Variants in CHST11 observed in about 807,000 individuals in gnomAD.
The protein encoded by CHST11 is C4S-1.
CHST11 carries 9 observed loss-of-function variants against 30.4 expected under a neutral mutation model. That is an observed-to-expected ratio of 0.30 (90% CI 0.18 to 0.52). The LOEUF (loss-of-function observed/expected upper bound fraction) is 0.52, where lower values mean the gene tolerates loss of function less well. Ranked by LOEUF, CHST11 falls within the 20% of genes least tolerant of loss-of-function variation. The pLI, the probability that CHST11 is intolerant of heterozygous loss-of-function variation, is 0.97. For missense variants in CHST11, 348 were observed against 460.6 expected (o/e 0.76, Z 2.24); for synonymous variants, 152 against 187.8 (o/e 0.81, Z 1.56).
intron 1 of CHST11, among the ~76,000 whole-genome samples, chr12:104,519,223 A>G (rs749104854): frequency 2.6e-5 from 4 of 152,072 alleles, no homozygotes; most frequent in Non-Finnish European, 5.9e-5. Flanking sequence ...TTTGATTAGG[A>G]TTTTTGTGCT....
intron 1 of CHST11, among the ~76,000 whole-genome samples, chr12:104,594,723 A>C (rs2038891579): frequency 6.6e-6 from 1 of 152,204 alleles, no homozygotes; most frequent in Non-Finnish European, 1.5e-5. Context: ...CTGGGAGACC[A>C]AGGTGGGAGG....
intron 2 of CHST11, among the ~76,000 whole-genome samples, chr12:104,710,823 A>G (rs1463249524): frequency 1.3e-5 from 2 of 152,188 alleles, no homozygotes; most frequent in South Asian, 2.1e-4. Flanking sequence ...TGTGACTTCC[A>G]GCTCTGAAGC....
At chr12:104,691,488 A>G (rs1452880099) in intron 2 of CHST11, among the ~76,000 whole-genome samples, 1 of 142,466 alleles carries the variant, frequency 7.0e-6, no homozygotes, top group Non-Finnish European at 1.5e-5. Context: ...TTAGAGGCAC[A>G]ATTTTTTTTT....
At chr12:104,646,497 G>A (rs2039432323) in intron 2 of CHST11, among the ~76,000 whole-genome samples, 1 of 152,126 alleles carries the variant, frequency 6.6e-6, no homozygotes. Flanking sequence ...ACTTTGGGAG[G>A]CCGAGGTGGG....
At chr12:104,748,659 C>G (rs1566064058) in intron 2 of CHST11, among the ~76,000 whole-genome samples, 1 of 152,116 alleles carries the variant, frequency 6.6e-6, no homozygotes, top group Non-Finnish European at 1.5e-5. Flanking sequence ...AGAGAGAAGC[C>G]TCAGGGAACA....
intron 2 of CHST11, among the ~76,000 whole-genome samples, chr12:104,691,466 A>G (rs1296152803): frequency 6.6e-6 from 1 of 151,306 alleles, no homozygotes; most frequent in Non-Finnish European, 1.5e-5. Context: ...GGCGGGGGGG[A>G]AACCAGGCAC....
At chr12:104,756,532 G>GGGGGTGTGTGTGTGTGT (rs1555250374) in intron 2 of CHST11, among the ~76,000 whole-genome samples, 3 of 143,292 alleles carry the variant, frequency 2.1e-5, no homozygotes, top group African/African-American at 7.8e-5. Flanking sequence ...ATCCATGTGG[G>GGGGGTGTGTGTGTGTGT]GTGTGTGTGT....
intron 1 of CHST11, among the ~76,000 whole-genome samples, chr12:104,564,440 A>G (rs2038541470): frequency 6.6e-6 from 1 of 152,230 alleles, no homozygotes; most frequent in Non-Finnish European, 1.5e-5. Context: ...TCTAAAGTAG[A>G]GATCATAGTG....
Position 104,723,543 on chromosome 12 carries a change from C to T in CHST11, c.205-33406C>T, listed in dbSNP as rs538918303. ...TATTGTTAGAGCGAGAATGAAACCT[C>T]CATGGAGTGCCCCATATATCTGCCT... On this transcript the variant is annotated intron_variant, in intron 2 of 2. Coordinates refer to ENST00000303694, the MANE Select transcript of CHST11 (RefSeq NM_018413.6). Among the ~76,000 whole-genome samples the T allele has an allele frequency of 2.4e-3, 360 of 152,348 alleles. 2 individuals carry two copies. The highest frequency in any genetic ancestry group is 4.0e-3 in the Non-Finnish European group (272 of 68,038).
intron 1 of CHST11, among the ~76,000 whole-genome samples, chr12:104,473,691 G>A (rs917750828): frequency 1.1e-4 from 16 of 152,046 alleles, no homozygotes; most frequent in Non-Finnish European, 2.9e-5. Context: ...GAGGGCATGG[G>A]GCTATTGTAG....
At chr12:104,599,011 C>G (rs111366614) in intron 1 of CHST11, among the ~76,000 whole-genome samples, 1 of 151,670 alleles carries the variant, frequency 6.6e-6, no homozygotes, top group Non-Finnish European at 1.5e-5. Flanking sequence ...AAGGGAGGCG[C>G]GGAGGGGTTA....
intron 1 of CHST11, among the ~76,000 whole-genome samples, chr12:104,528,532 G>A (rs1269673830): frequency 6.6e-6 from 1 of 152,140 alleles, no homozygotes; most frequent in East Asian, 1.9e-4. Context: ...TGAGTTCACT[G>A]GGTCCCCCTG....
At chr12:104,623,386 C>T (rs12811699) in intron 2 of CHST11, among the ~76,000 whole-genome samples, 8,827 of 152,234 alleles carry the variant, frequency 0.058, 695 homozygotes, top group African/African-American at 0.18. Flanking sequence ...TGCTGATGTA[C>T]GGTCGAGGTC....
chr12:104,459,493 A>G (rs1233701781), intron 1 of CHST11, among the ~76,000 whole-genome samples: 1 of 152,254 alleles, frequency 6.6e-6, no homozygotes, highest in African/African-American at 2.4e-5. Flanking sequence ...TTCAGCAGGA[A>G]TGCGCTTGAG....
chr12:104,567,975 A>G (rs1231874043), intron 1 of CHST11, among the ~76,000 whole-genome samples: 1 of 152,206 alleles, frequency 6.6e-6, no homozygotes, highest in Non-Finnish European at 1.5e-5. Flanking sequence ...ACTGTGAGCA[A>G]TACATTGATA....
chr12:104,544,363 T>C (rs903522705), intron 1 of CHST11, among the ~76,000 whole-genome samples: 1 of 151,738 alleles, frequency 6.6e-6, no homozygotes, highest in Non-Finnish European at 1.5e-5. Flanking sequence ...AATTAAAAAA[T>C]TGGTGGATTG....
chr12:104,502,809 G>A (rs1352155232), intron 1 of CHST11, among the ~76,000 whole-genome samples: 2 of 152,226 alleles, frequency 1.3e-5, no homozygotes, highest in East Asian at 1.9e-4. Flanking sequence ...CGGAGGCCCA[G>A]AACCCAGGAG....
intron 2 of CHST11, among the ~76,000 whole-genome samples, chr12:104,684,256 G>GTGGATGGATGGATGGA (rs71069772): frequency 4.7e-5 from 7 of 148,040 alleles, no homozygotes; most frequent in South Asian, 2.2e-4. Flanking sequence ...GGTACAAAAT[G>GTGGATGGATGGATGGA]TGGATGGATG....
At chr12:104,477,969 T>C (rs2037579494) in intron 1 of CHST11, among the ~76,000 whole-genome samples, 2 of 152,172 alleles carry the variant, frequency 1.3e-5, no homozygotes, top group African/African-American at 2.4e-5. Flanking sequence ...GCTCTTCACA[T>C]GTCTCCTATG....
Sources: gnomAD v4.1 joint callset for allele counts (sites outside exome capture counted in the v4.1 genomes callset) on GRCh38, gnomAD v4.1.1 for gene constraint, MANE v1.5 for transcripts, NCBI Gene and HGNC (gene_info 2026-07-23, HGNC 2026-07-21) for gene names.